Variants in ADAMTS6 observed in about 807,000 individuals in gnomAD.
ADAMTS6 encodes the protein ADAM metallopeptidase with thrombospondin type 1 motif 6.
A neutral mutation model predicts 144.3 loss-of-function variants in ADAMTS6; 23 were observed. The ratio of observed to expected loss-of-function variants is 0.16; its 90% CI spans 0.11 to 0.23. The LOEUF is 0.23. Ranked by LOEUF, ADAMTS6 falls within the 10% of genes least tolerant of loss-of-function variation. The probability of loss-of-function intolerance (pLI) is 1.00; values close to 1 mark genes in which losing one functional copy is unlikely to be tolerated. For missense variants in ADAMTS6, 999 were observed against 1,379.6 expected, an observed-to-expected ratio of 0.72 and a Z score of 4.37; for synonymous variants, 444 against 457.5, an observed-to-expected ratio of 0.97 and a Z score of 0.38.
chr5:65,221,259 A>T (rs768171211), intron 18 of ADAMTS6, among the ~76,000 whole-genome samples: 1 of 152,222 alleles, frequency 6.6e-6, no homozygotes, highest in South Asian at 2.1e-4. Context: ...ATATTAGCAA[A>T]TCAATTCCAG....
chr5:65,328,249 AC>A (rs1252154299), intron 9 of ADAMTS6, among the ~76,000 whole-genome samples: 1 of 152,080 alleles, frequency 6.6e-6, no homozygotes, highest in Non-Finnish European at 1.5e-5. Context: ...TTCAACAACA[AC>A]AAAAAAGCTG....
intron 20 of ADAMTS6, among the ~76,000 whole-genome samples, chr5:65,200,237 A>T (rs1755645431): frequency 6.6e-6 from 1 of 152,154 alleles, no homozygotes; most frequent in Non-Finnish European, 1.5e-5. Flanking sequence ...CAACAGGATA[A>T]CTCTATAAAC....
At chr5:65,360,761 CG>C (rs1749753119) in intron 7 of ADAMTS6, among the ~76,000 whole-genome samples, 1 of 151,988 alleles carries the variant, frequency 6.6e-6, no homozygotes, top group Admixed American at 6.6e-5. Context: ...TTCTTTAATC[CG>C]ACACCTAAGA....
chr5:65,310,377 T>G (rs1305510739), intron 9 of ADAMTS6, among the ~76,000 whole-genome samples: 5 of 152,076 alleles, frequency 3.3e-5, no homozygotes, highest in African/African-American at 1.2e-4. Context: ...AATCAAAAAG[T>G]TAGCCAGGTA....
intron 9 of ADAMTS6, among the ~76,000 whole-genome samples, chr5:65,328,755 A>G (rs1038990439): frequency 3.5e-5 from 5 of 143,232 alleles, no homozygotes; most frequent in Admixed American, 2.0e-4. Context: ...TTAAAATTTT[A>G]AAAATGGTAT....
intron 12 of ADAMTS6, among the ~76,000 whole-genome samples, chr5:65,268,721 T>C (rs1761827178): frequency 6.6e-6 from 1 of 152,194 alleles, no homozygotes; most frequent in African/African-American, 2.4e-5. Context: ...CAGTTTTTAA[T>C]TTTTTGGCCA....
chr5:65,373,122 A>T (rs1270953861), intron 7 of ADAMTS6, among the ~76,000 whole-genome samples: 1 of 151,676 alleles, frequency 6.6e-6, no homozygotes, highest in African/African-American at 2.4e-5. Context: ...GTAGAGGGAA[A>T]TTTATAGCAC....
chr5:65,202,146 C>T (rs1261170985), intron 20 of ADAMTS6, among the ~76,000 whole-genome samples: 1 of 152,174 alleles, frequency 6.6e-6, no homozygotes, highest in Non-Finnish European at 1.5e-5. Context: ...GAAGAGCCTC[C>T]TGCTAGTTTT....
At chr5:65,298,075 C>A (rs58783759) in intron 10 of ADAMTS6, among the ~76,000 whole-genome samples, 29,296 of 152,012 alleles carry the variant, frequency 0.19, 2,840 homozygotes, top group Non-Finnish European at 0.22. Flanking sequence ...ACTTTTATGT[C>A]CCTCACCAAA....
At position 65,148,779 on chromosome 5, in the gene ADAMTS6, T is replaced by C. The variant is rs1751981620; in HGVS notation, c.*3057A>G. ...AATTTTTATTTTACTAAATTATCTA[T>C]GTCAAAAAAATTCTGTGCCTGGCGT... On this transcript the variant is annotated 3_prime_UTR_variant, in exon 25 of 25. Transcript: ENST00000381055. The C allele has an allele frequency of 6.6e-6, 1 of 152,532 alleles. No individual in the cohort carries two copies. The highest frequency in any genetic ancestry group is 2.1e-4 in the South Asian group (1 of 4,828). 9.4% of individuals were successfully genotyped at this position (152,532 alleles called of 1,614,324 possible).
chr5:65,343,791 T>G (rs1278959804), intron 7 of ADAMTS6, among the ~76,000 whole-genome samples: 1 of 152,000 alleles, frequency 6.6e-6, no homozygotes, highest in Non-Finnish European at 1.5e-5. Context: ...ATTTGCAAAC[T>G]GCTCATCTGA....
At chr5:65,390,324 T>C (rs1047215583) in intron 7 of ADAMTS6, among the ~76,000 whole-genome samples, 1 of 151,996 alleles carries the variant, frequency 6.6e-6, no homozygotes, top group Admixed American at 6.6e-5. Flanking sequence ...TATCATCCAA[T>C]CAAAGATGAG....
intron 7 of ADAMTS6, among the ~76,000 whole-genome samples, chr5:65,400,362 T>G (rs1052397498): frequency 2.0e-5 from 3 of 152,076 alleles, no homozygotes; most frequent in African/African-American, 7.2e-5. Context: ...AGGTACACAC[T>G]ACTGCATATG....
intron 7 of ADAMTS6, among the ~76,000 whole-genome samples, chr5:65,429,814 C>A (rs1163249973): frequency 6.6e-6 from 1 of 151,982 alleles, no homozygotes; most frequent in Non-Finnish European, 1.5e-5. Flanking sequence ...AACAATAGTT[C>A]TATTTGAATA....
chr5:65,393,273 A>G (rs1199849516), intron 7 of ADAMTS6, among the ~76,000 whole-genome samples: 1 of 152,082 alleles, frequency 6.6e-6, no homozygotes, highest in Admixed American at 6.5e-5. Flanking sequence ...GTCATTGCAA[A>G]CTCCTTTTAA....
chr5:65,393,148 G>A (rs1451183136), intron 7 of ADAMTS6, among the ~76,000 whole-genome samples: 1 of 151,958 alleles, frequency 6.6e-6, no homozygotes, highest in Non-Finnish European at 1.5e-5. Flanking sequence ...AGAACACAAA[G>A]GTAGGAAGCT....
chr5:65,313,686 T>G (rs1744717589), intron 9 of ADAMTS6, among the ~76,000 whole-genome samples: 2 of 152,078 alleles, frequency 1.3e-5, no homozygotes, highest in African/African-American at 4.8e-5. Flanking sequence ...GATAAAAAAC[T>G]ATGGCACTAT....
chr5:65,332,310 T>G (rs55789968), intron 8 of ADAMTS6, among the ~76,000 whole-genome samples: 11,283 of 112,868 alleles, frequency 0.1, 670 homozygotes, highest in African/African-American at 0.19. Context: ...TATATATATA[T>G]ATAGAGAGAG....
intron 3 of ADAMTS6, among the ~76,000 whole-genome samples, chr5:65,462,559 C>G (rs1759704882): frequency 6.6e-6 from 1 of 152,170 alleles, no homozygotes; most frequent in Non-Finnish European, 1.5e-5. Flanking sequence ...TGAGATGGAG[C>G]AACGTTAAAC....
Sources: allele counts gnomAD v4.1 joint callset (sites outside exome capture counted in the v4.1 genomes callset), GRCh38; gene constraint gnomAD v4.1.1; transcripts MANE v1.5; gene names NCBI Gene and HGNC (gene_info 2026-07-23, HGNC 2026-07-21).